The following ZNF552 variants were observed in gnomAD, a reference collection of about 807,000 sequenced individuals.
ZNF552 encodes the protein zinc finger protein 552.
ZNF552 carries 2 observed loss-of-function variants against 7.2 expected under a neutral mutation model. The ratio of observed to expected loss-of-function variants is 0.28; its 90% CI spans 0.11 to 0.88. ZNF552 has a LOEUF of 0.88. ZNF552 is among the 40% of genes least tolerant of loss of function. The pLI is 0.60. For synonymous variants in ZNF552, 173 were observed against 176.5 expected (o/e 0.98, Z 0.16); for missense variants, 421 against 493.4 (o/e 0.85, Z 1.39).
At chr19:57,813,620 TATA>T (rs1458859786) in intron 1 of ZNF552, among the ~76,000 whole-genome samples, 200 bp from the exon 2 acceptor site, 2 of 151,832 alleles carry the variant, frequency 1.3e-5, no homozygotes, top group East Asian at 3.9e-4. Context: ...GTGGCTGTGA[TATA>T]AGAGTCCACC....
chr19:57,811,793 G>T (rs1370021318), intron 2 of ZNF552, among the ~76,000 whole-genome samples: 1 of 151,370 alleles, frequency 6.6e-6, no homozygotes, highest in Non-Finnish European at 1.5e-5. Flanking sequence ...CACTGTGGGA[G>T]GCAAAGGCAG....
At chr19:57,814,080 A>G (rs1470415136) in intron 1 of ZNF552, among the ~76,000 whole-genome samples, 1 of 152,084 alleles carries the variant, frequency 6.6e-6, no homozygotes, top group Non-Finnish European at 1.5e-5. Context: ...TTCTACAGCC[A>G]TAAAGGCCTG....
Position 57,808,676 on chromosome 19 carries a change from G to GT in ZNF552, c.587dup (p.Asn196LysfsTer5). ...ACAGAGACACACACTCAGTTTTGCT[G>GT]TTTGACTTCCCAGTGTGAGTGGCCT... On this transcript the variant is annotated frameshift_variant, in exon 3 of 3. Transcript: ENST00000391701. LOFTEE classifies it low-confidence loss of function (END_TRUNC). 1 of 1,614,210 alleles carries GT rather than the reference G, an allele frequency of 6.2e-7. No individual in the cohort carries two copies. Among genetic ancestry groups the GT allele is most frequent in the African/African-American group, 1.3e-5 (1 of 75,050 alleles).
At position 57,807,106 on chromosome 19, in the gene ZNF552, A is replaced by C. The variant is rs1436942566; in HGVS notation, c.*934T>G. The stretch of plus-strand genomic sequence containing the variant: ...ATTATAAGAGGAAACACTTTATTAC[A>C]TCAGTCAGAAAATTCTAGAAAATGG... On this transcript the variant is annotated 3_prime_UTR_variant, in exon 3 of 3. Coordinates refer to ENST00000391701, the MANE Select transcript of ZNF552 (RefSeq NM_024762.3). 1 of 152,240 alleles carries C rather than the reference A, an allele frequency of 6.6e-6. No homozygotes were observed. Among genetic ancestry groups the C allele is most frequent in the Non-Finnish European group, 1.5e-5 (1 of 68,040 alleles). The allele number at this position is 152,240 out of a possible 1,614,324, so 9.4% of individuals were successfully genotyped here.
Position 57,807,984 on chromosome 19 carries a change from AG to A in ZNF552, c.*55del. 1 of 1,518,280 alleles carries A rather than the reference AG, an allele frequency of 6.6e-7. No individual in the cohort carries two copies. The highest frequency in any genetic ancestry group is 2.1e-5 in the Admixed American group (1 of 46,604). 94.1% of individuals were successfully genotyped at this position (1,518,280 alleles called of 1,614,324 possible). Reference sequence around the variant, plus strand: ...CATTTTCCACATTTGCTGCAATCACAGGATCTTACTCAGGTGTGTATTCTCC... The same window carrying A: ...CATTTTCCACATTTGCTGCAATCACAGATCTTACTCAGGTGTGTATTCTCC... On this transcript the variant is annotated 3_prime_UTR_variant, in exon 3 of 3. Coordinates refer to ENST00000391701, the MANE Select transcript of ZNF552 (RefSeq NM_024762.3).
In ZNF552 at chr19:57,811,414, G is replaced by A. The variant is rs376306801; in HGVS notation, c.160+1880C>T. Among the ~76,000 whole-genome samples, 690 of 152,044 alleles carry A rather than the reference G, an allele frequency of 4.5e-3. 11 individuals are homozygous for A. The highest frequency in any genetic ancestry group is 0.015 in the African/African-American group (630 of 41,474). ...CCTGACCTCGTGATCCGCCTGCCTC[G>A]GCCTCCCAAAGTTCTGGGATTACAA... On this transcript the variant is annotated intron_variant, in intron 2 of 2. Coordinates refer to ENST00000391701, the MANE Select transcript of ZNF552 (RefSeq NM_024762.3).
At chr19:57,811,636 G>A (rs1308108567) in intron 2 of ZNF552, among the ~76,000 whole-genome samples, 1 of 149,186 alleles carries the variant, frequency 6.7e-6, no homozygotes, top group Non-Finnish European at 1.5e-5. Flanking sequence ...GAATTGCTTG[G>A]GCCTGGGAGA....
At position 57,808,049 on chromosome 19, in the gene ZNF552, CTTTCT is replaced by C; in HGVS notation, c.1210_1214del (p.Arg404GlyfsTer20). The C allele has an allele frequency of 6.2e-7, 1 of 1,609,062 alleles. No individual in the cohort carries two copies. Among genetic ancestry groups the C allele is most frequent in the Non-Finnish European group, 8.5e-7 (1 of 1,177,410 alleles). On this transcript the variant is annotated frameshift_variant, in exon 3 of 3. Transcript: ENST00000391701. LOFTEE classifies it high-confidence loss of function. The stretch of plus-strand genomic sequence containing the variant: ...ACTGGACTCACTGCACTCATAAGCC[CTTTCT>C]TTTGTGAACTCTCTGATGATGACGA...
chr19:57,808,847 A>G lies in ZNF552; in HGVS notation c.417T>C (p.Asn139=), dbSNP rs372934566. The stretch of plus-strand genomic sequence containing the variant: ...TGTAGGGTTTCTCTCCAATGTGCTC[A>G]TTCTGGTGCTGATGAAAGTTTCCAC... ...YDSGNFHQHQ[N]EHIGEKPYRG... The change falls in exon 3 of 3, where the codon AAT becomes AAC. Residue 139 remains asparagine, a synonymous_variant. Transcript: ENST00000391701. 4 of 1,613,770 alleles carry G rather than the reference A, an allele frequency of 2.5e-6. No individual in the cohort carries two copies. In the African/African-American group the frequency reaches 4.0e-5, roughly 16 times the overall value.
At chr19:57,814,578 C>A (rs766082030) in intron 1 of ZNF552, 133 bp downstream of exon 1, 2 of 1,563,060 alleles carry the variant, frequency 1.3e-6, no homozygotes, top group Non-Finnish European at 1.7e-6. Context: ...AAACAGGGAT[C>A]CCTCCCGAGA....
chr19:57,813,250 A>G (rs1332091809), intron 2 of ZNF552, 44 bp downstream of exon 2: 4 of 1,609,762 alleles, frequency 2.5e-6, no homozygotes, highest in Non-Finnish European at 3.4e-6. Context: ...AGGGGGAAAG[A>G]CAGAGACTAG....
rs1340916674 is a variant in ZNF552, at chr19:57,808,552, C to A, written c.712G>T (p.Glu238Ter). 11 of 1,614,020 alleles carry A rather than the reference C, an allele frequency of 6.8e-6. No individual in the cohort carries two copies. Among genetic ancestry groups the A allele is most frequent in the Non-Finnish European group, 8.5e-6 (10 of 1,180,010 alleles). Residue 238 changes from glutamate to a stop codon, truncating the protein, a stop_gained, in exon 3 of 3, where the codon GAA becomes TAA. Coordinates refer to ENST00000391701, the MANE Select transcript of ZNF552 (RefSeq NM_024762.3). LOFTEE classifies it low-confidence loss of function (END_TRUNC). ...SQHERLLPTE[E>*]PSVWCECGKS... Reference sequence around the variant, plus strand: ...CCACATTCACACCACACAGAAGGTTCTTCTGTAGGGAGCAGTCTCTCGTGC... The same window carrying A: ...CCACATTCACACCACACAGAAGGTTATTCTGTAGGGAGCAGTCTCTCGTGC...
At chr19:57,810,239 C>G (rs59223274) in intron 2 of ZNF552, among the ~76,000 whole-genome samples, 34,322 of 151,666 alleles carry the variant, frequency 0.23, 4,508 homozygotes, top group African/African-American at 0.36. Context: ...GGAGGCAGAG[C>G]TGGGCGGATC....
Position 57,808,882 on chromosome 19 carries a change from A to G in ZNF552, c.382T>C (p.Leu128=). 1 of 1,613,222 alleles carries G rather than the reference A, an allele frequency of 6.2e-7. No individual in the cohort carries two copies. The highest frequency in any genetic ancestry group is 8.5e-7 in the Non-Finnish European group (1 of 1,179,882). Residue 128 remains leucine, a synonymous_variant, in exon 3 of 3, where the codon TTG becomes CTG. Transcript: ENST00000391701. ...TGATGAAAGTTTCCACTGTCATACA[A>G]TTTATTCCCCCAGGCCTCACACCTG... ...LHRCEAWGNK[L]YDSGNFHQHQ... is the part of the protein sequence containing the mutation.
Position 57,813,325 on chromosome 19 carries a change from C to T in ZNF552, c.129G>A (p.Thr43=), listed in dbSNP as rs417518. The T allele has an allele frequency of 1.2e-5, 19 of 1,613,994 alleles. No individual in the cohort carries two copies. The highest frequency in any genetic ancestry group is 1.0e-4 in the Admixed American group (6 of 59,996). The change falls in exon 2 of 3, where the codon ACG becomes ACA. Residue 43 remains threonine (T), a synonymous_variant. Transcript: ENST00000391701. ...EAQRCLYRDV[T]LENLALMSSL... is the part of the protein sequence containing the mutation. ...AGGACATAAGTGCCAGGTTCTCCAG[C>T]GTCACATCACGGTACAGGCATCTCT...
chr19:57,814,043 A>C (rs1346609189), intron 1 of ZNF552, among the ~76,000 whole-genome samples: 1 of 151,584 alleles, frequency 6.6e-6, no homozygotes, highest in Non-Finnish European at 1.5e-5. Context: ...CCCACCCTCC[A>C]CTTTCTTGTA....
chr19:57,813,293 C>T lies in ZNF552; in HGVS notation c.160+1G>A, dbSNP rs369616296. 6.2e-7 allele frequency: 1 copy of T among 1,613,892 alleles called. No homozygotes were observed. The highest frequency in any genetic ancestry group is 1.3e-5 in the African/African-American group (1 of 74,824). Reference sequence around the variant, plus strand: ...CACAGGGGTGAGTGTGGGCAACTTACCCAGGGAGGACATAAGTGCCAGGTT... The same window carrying T: ...CACAGGGGTGAGTGTGGGCAACTTATCCAGGGAGGACATAAGTGCCAGGTT... On this transcript the variant is annotated splice_donor_variant, in intron 2 of 2. Coordinates refer to ENST00000391701, the MANE Select transcript of ZNF552 (RefSeq NM_024762.3). LOFTEE classifies it high-confidence loss of function.
chr19:57,811,322 C>T (rs888505407), intron 2 of ZNF552, among the ~76,000 whole-genome samples: 10 of 152,046 alleles, frequency 6.6e-5, no homozygotes, highest in Non-Finnish European at 1.2e-4. Flanking sequence ...TACAGGCGCC[C>T]GCCACCACGC....
intron 2 of ZNF552, among the ~76,000 whole-genome samples, chr19:57,812,753 G>A (rs1197375654): frequency 6.6e-6 from 1 of 152,150 alleles, no homozygotes; most frequent in Non-Finnish European, 1.5e-5. Flanking sequence ...ATTTTCAGTA[G>A]AGATGGGGTT....
Sources: allele counts gnomAD v4.1 joint callset (sites outside exome capture counted in the v4.1 genomes callset), GRCh38; gene constraint gnomAD v4.1.1; transcripts MANE v1.5; gene names NCBI Gene and HGNC (gene_info 2026-07-23, HGNC 2026-07-21).